Variants in ADK observed in about 807,000 individuals in gnomAD.
ADK encodes the protein N6,N6-dimethyladenosine kinase.
ADK carries 24 observed loss-of-function variants against 44.7 expected under a neutral mutation model. The observed-to-expected ratio is 0.54, with a 90% CI of 0.39 to 0.76. ADK has a LOEUF of 0.76. Among genes scored for constraint, ADK ranks in the 30% least tolerant of loss-of-function variants. The probability of loss-of-function intolerance (pLI) is 0.00; values close to 1 mark genes in which losing one functional copy is unlikely to be tolerated. For synonymous variants in ADK, 128 were observed against 142.6 expected (o/e 0.90, Z 0.73); for missense variants, 321 against 425.1 (o/e 0.76, Z 2.15).
chr10:74,416,909 T>A (rs1844395429), intron 6 of ADK, among the ~76,000 whole-genome samples: 1 of 152,096 alleles, frequency 6.6e-6, no homozygotes, highest in Admixed American at 6.5e-5. Context: ...TTATATATTT[T>A]ATTATTAATC....
chr10:74,306,666 G>A (rs1840260873), intron 3 of ADK, among the ~76,000 whole-genome samples: 1 of 152,102 alleles, frequency 6.6e-6, no homozygotes, highest in African/African-American at 2.4e-5. Flanking sequence ...TGAGGGGAGA[G>A]CTTATTACCT....
chr10:74,655,294 C>A (rs1854438982), intron 9 of ADK: 1 of 465,984 alleles, frequency 2.1e-6, no homozygotes, highest in Non-Finnish European at 4.0e-6. Context: ...AAGGGCCCAG[C>A]TGAAATGATG....
intron 10 of ADK, among the ~76,000 whole-genome samples, chr10:74,689,249 AAAATAAATAAAT>A (rs751466168): frequency 1.3e-5 from 2 of 151,874 alleles, no homozygotes; most frequent in Non-Finnish European, 2.9e-5. Flanking sequence ...ACTCTATCTC[AAAATAAATAAAT>A]AAATAAATAA....
chr10:74,598,764 A>G (rs1438711339), intron 8 of ADK, among the ~76,000 whole-genome samples: 2 of 152,126 alleles, frequency 1.3e-5, no homozygotes, highest in East Asian at 3.9e-4. Flanking sequence ...CTTATTCTTA[A>G]TTTATTCCTT....
At chr10:74,567,844 G>T (rs554807019) in intron 7 of ADK, among the ~76,000 whole-genome samples, 2 of 151,716 alleles carry the variant, frequency 1.3e-5, no homozygotes, top group African/African-American at 2.4e-5. Context: ...GACTACAGGC[G>T]CCTGCCACCA....
chr10:74,552,409 C>G (rs2133785198), intron 7 of ADK, among the ~76,000 whole-genome samples: 1 of 152,126 alleles, frequency 6.6e-6, no homozygotes, highest in East Asian at 1.9e-4. Flanking sequence ...CAAAAGGTCT[C>G]CTATGGTTAA....
At chr10:74,621,345 A>T (rs1266152318) in intron 9 of ADK, among the ~76,000 whole-genome samples, 1 of 152,114 alleles carries the variant, frequency 6.6e-6, no homozygotes, top group Non-Finnish European at 1.5e-5. Context: ...TCCAGTGACT[A>T]TTCTTGGTGC....
intron 1 of ADK, among the ~76,000 whole-genome samples, chr10:74,176,094 A>C (rs1013170015): frequency 2.0e-5 from 3 of 152,042 alleles, no homozygotes; most frequent in African/African-American, 7.2e-5. Flanking sequence ...TACCTGATTC[A>C]CCTGGTAACT....
chr10:74,291,646 ATT>A (rs113458109), intron 3 of ADK, among the ~76,000 whole-genome samples: 1 of 151,226 alleles, frequency 6.6e-6, no homozygotes, highest in African/African-American at 2.4e-5. Flanking sequence ...TGAAGTATTG[ATT>A]TTTTTTCAAA....
intron 9 of ADK, among the ~76,000 whole-genome samples, chr10:74,615,895 G>A (rs545931886): frequency 6.6e-6 from 1 of 152,062 alleles, no homozygotes; most frequent in African/African-American, 2.4e-5. Context: ...TTTTAGTAGT[G>A]ACGGGGTTTC....
At chr10:74,475,679 C>T (rs1307820448) in intron 6 of ADK, among the ~76,000 whole-genome samples, 1 of 151,742 alleles carries the variant, frequency 6.6e-6, no homozygotes, top group East Asian at 1.9e-4. Flanking sequence ...GCACTCCAGC[C>T]TAGGTGACAG....
intron 4 of ADK, among the ~76,000 whole-genome samples, chr10:74,355,599 A>G (rs566994020): frequency 2.6e-5 from 4 of 152,324 alleles, no homozygotes; most frequent in Admixed American, 1.3e-4. Flanking sequence ...TACAGATAGC[A>G]TTTTCAGAGA....
intron 6 of ADK, among the ~76,000 whole-genome samples, chr10:74,399,703 T>C (rs1460603127): frequency 6.6e-6 from 1 of 152,018 alleles, no homozygotes; most frequent in Non-Finnish European, 1.5e-5. Flanking sequence ...TCTTGTAGTG[T>C]GATTCTTTAG....
At chr10:74,406,526 T>TAAG (rs57627124) in intron 6 of ADK, among the ~76,000 whole-genome samples, 88 of 136,138 alleles carry the variant, frequency 6.5e-4, no homozygotes, top group East Asian at 1.1e-3. Flanking sequence ...ATAATAATAA[T>TAAG]AAGAAGAAGA....
At chr10:74,665,271 A>T (rs879710828) in intron 9 of ADK, among the ~76,000 whole-genome samples, 1 of 152,228 alleles carries the variant, frequency 6.6e-6, no homozygotes, top group African/African-American at 2.4e-5. Flanking sequence ...TTTTAATACT[A>T]TGGATATTAC....
At chr10:74,342,816 T>TGTG (rs56148690) in intron 4 of ADK, among the ~76,000 whole-genome samples, 2 of 151,748 alleles carry the variant, frequency 1.3e-5, no homozygotes, top group Non-Finnish European at 2.9e-5. Context: ...TGTGTGTGTG[T>TGTG]TTTAATATTG....
intron 3 of ADK, among the ~76,000 whole-genome samples, chr10:74,268,917 A>G (rs1182075500): frequency 2.0e-5 from 3 of 152,206 alleles, no homozygotes. Context: ...ATTATGATAA[A>G]TGGTTTTATT....
At position 74,596,050 on chromosome 10, in the gene ADK, AAATT is replaced by A. The variant is rs1462946136; in HGVS notation, c.763-4322_763-4319del. ...ATTCGCTGGAGTAAAAATATGAGCC[AAATT>A]AATTAAGAAAAAATAGCAAACTTAA... On this transcript the variant is annotated intron_variant, in intron 8 of 10. Coordinates refer to ENST00000539909, the MANE Select transcript of ADK (RefSeq NM_006721.4). Among the ~76,000 whole-genome samples, 8 of 151,340 alleles carry A rather than the reference AAATT, an allele frequency of 5.3e-5. No individual in the cohort carries two copies. In the South Asian group the frequency reaches 8.4e-4, roughly 16 times the overall value.
At chr10:74,353,812 G>T (rs1842046799) in intron 4 of ADK, among the ~76,000 whole-genome samples, 1 of 152,156 alleles carries the variant, frequency 6.6e-6, no homozygotes. Context: ...AGCTTGCAGT[G>T]AGCTGAGATT....
Sources: allele counts gnomAD v4.1 joint callset (sites outside exome capture counted in the v4.1 genomes callset), GRCh38; gene constraint gnomAD v4.1.1; transcripts MANE v1.5; gene names NCBI Gene and HGNC (gene_info 2026-07-23, HGNC 2026-07-21).